DNAH17: variants seen among roughly 807,000 people sequenced by gnomAD.
DNAH17 encodes the protein axonemal beta dynein heavy chain 17.
A neutral mutation model predicts 485.6 loss-of-function variants in DNAH17; 376 were observed. That is an observed-to-expected ratio of 0.77 (90% CI 0.71 to 0.84). The LOEUF (loss-of-function observed/expected upper bound fraction) is 0.84, where lower values mean the gene tolerates loss of function less well. DNAH17 is among the 40% of genes least tolerant of loss of function. The pLI is 0.00. For missense variants in DNAH17, 6,370 were observed against 5,839.3 expected (o/e 1.09, Z -2.96); for synonymous variants, 3,031 against 2,405.9 (o/e 1.26, Z -7.60).
chr17:78,544,551 C>T (rs149152645), intron 16 of DNAH17, among the ~76,000 whole-genome samples: 6,808 of 151,962 alleles, frequency 0.045, 224 homozygotes, highest in Middle Eastern at 0.075. Flanking sequence ...GCCTGTAATC[C>T]CAGCACTTTG....
intron 17 of DNAH17, among the ~76,000 whole-genome samples, chr17:78,543,512 G>A (rs1424947755): frequency 2.6e-5 from 4 of 151,254 alleles, no homozygotes; most frequent in Admixed American, 6.6e-5. Flanking sequence ...GGATGGTCTC[G>A]ATCTCCTGAC....
chr17:78,551,759 C>T (rs1453478870), intron 15 of DNAH17, 121 bp from the exon 16 acceptor site: 13 of 849,218 alleles, frequency 1.5e-5, no homozygotes, highest in African/African-American at 1.0e-4. Flanking sequence ...GTCGGGAGTT[C>T]GAGACCAGCC....
At chr17:78,461,774 G>A (rs2088141360) in intron 57 of DNAH17, 66 bp from the exon 58 acceptor site, 9 of 1,483,180 alleles carry the variant, frequency 6.1e-6, no homozygotes, top group Non-Finnish European at 7.2e-6. Context: ...CCCTGCACTG[G>A]GCAGACGAGG....
chr17:78,567,789 T>A (rs565468964), intron 9 of DNAH17, among the ~76,000 whole-genome samples: 1 of 152,252 alleles, frequency 6.6e-6, no homozygotes, highest in African/African-American at 2.4e-5. Flanking sequence ...GCGCCGCTTG[T>A]GTTTGCTTTA....
intron 42 of DNAH17, 92 bp from the exon 43 acceptor site, chr17:78,491,662 G>A (rs1248491284): frequency 6.6e-7 from 1 of 1,503,834 alleles, no homozygotes; most frequent in Admixed American, 2.1e-5. Context: ...TCTCTGGGAG[G>A]GAGCCTGTCC....
rs1174705131 is a variant in DNAH17, at chr17:78,426,597, C to A, written c.12775G>T (p.Glu4259Ter). 1 of 1,606,356 alleles carries A rather than the reference C, an allele frequency of 6.2e-7. No homozygotes were observed. Among genetic ancestry groups the A allele is most frequent in the African/African-American group, 1.3e-5 (1 of 74,870 alleles). The change falls in exon 79 of 81, where the codon GAA becomes TAA. Residue 4259 changes from glutamate to a stop codon, truncating the protein, a stop_gained. Coordinates refer to ENST00000389840, the MANE Select transcript of DNAH17 (RefSeq NM_173628.4). LOFTEE classifies it high-confidence loss of function. ...TCCACGTCGGTCGTGATGGTCAGTT[C>A]TCCCTAGGAGACACACAGATGGGTG... The part of the protein sequence containing the change: ...LKELNLGLKG[E>*]LTITTDVEDL...
intron 75 of DNAH17, among the ~76,000 whole-genome samples, chr17:78,433,318 G>A (rs1294374322): frequency 6.6e-6 from 1 of 152,210 alleles, no homozygotes; most frequent in Non-Finnish European, 1.5e-5. Flanking sequence ...GCCTAGCAGG[G>A]TACGTGCTGC....
intron 74 of DNAH17, among the ~76,000 whole-genome samples, chr17:78,435,856 C>T (rs370240559): frequency 2.0e-5 from 3 of 152,186 alleles, no homozygotes; most frequent in South Asian, 2.1e-4. Flanking sequence ...CGTATCCTCG[C>T]GCCCCTCAGC....
At chr17:78,514,594 C>G in intron 26 of DNAH17, among the ~76,000 whole-genome samples, 180 bp downstream of exon 26, 1 of 152,166 alleles carries the variant, frequency 6.6e-6, no homozygotes, top group Non-Finnish European at 1.5e-5. Flanking sequence ...CCACCACCCC[C>G]AACCAGCGTG....
intron 54 of DNAH17, among the ~76,000 whole-genome samples, chr17:78,470,638 G>A (rs536181118): frequency 1.2e-4 from 18 of 152,256 alleles, no homozygotes; most frequent in African/African-American, 3.4e-4. Context: ...GCAGTGAGCC[G>A]ATATTGTGCC....
chr17:78,503,124 G>A, intron 31 of DNAH17, 113 bp from the exon 32 acceptor site: 1 of 1,294,834 alleles, frequency 7.7e-7, no homozygotes, highest in Non-Finnish European at 1.0e-6. Flanking sequence ...CTCATCCCAG[G>A]GGCAGACAGG....
chr17:78,544,495 T>G (rs950574342), intron 16 of DNAH17, among the ~76,000 whole-genome samples: 1 of 151,984 alleles, frequency 6.6e-6, no homozygotes, highest in Admixed American at 6.6e-5. Flanking sequence ...CAAGTGGGAG[T>G]TCTACCACAA....
chr17:78,547,713 G>A (rs1045765546), intron 16 of DNAH17, among the ~76,000 whole-genome samples: 3 of 151,296 alleles, frequency 2.0e-5, no homozygotes, highest in Non-Finnish European at 4.4e-5. Context: ...CACCTCCCAG[G>A]TTCAAGCAAT....
intron 16 of DNAH17, among the ~76,000 whole-genome samples, chr17:78,549,571 A>C (rs2091852410): frequency 6.6e-6 from 1 of 152,230 alleles, no homozygotes. Context: ...ATCTCAGCTC[A>C]GCACCAGGAG....
intron 51 of DNAH17, among the ~76,000 whole-genome samples, chr17:78,478,261 ATCATCTCCACC>A (rs1345463332): frequency 8.5e-5 from 12 of 140,422 alleles, no homozygotes; most frequent in East Asian, 4.3e-4. Flanking sequence ...CATCACCATT[ATCATCTCCACC>A]ACCATCACCA....
rs1476926551 is a variant in DNAH17 at position 78,475,280 on chromosome 17, T to C, written c.8509A>G (p.Lys2837Glu). ...CCTATTGAACAGTAAGCTCTCACCT[T>C]GAGGTCGGGGATCCCGTAGCCCTTC... ...LKKGYGIPDL[K>E]IDLAAQYIKA... Residue 2837 changes from lysine to glutamate, a missense_variant and splice_region_variant, in exon 54 of 81, where the codon AAG (lysine) becomes GAG (glutamate). Coordinates refer to ENST00000389840, the MANE Select transcript of DNAH17 (RefSeq NM_173628.4). 6.2e-7 allele frequency: 1 copy of C among 1,613,986 alleles called. No individual in the cohort carries two copies. Among genetic ancestry groups the C allele is most frequent in the Non-Finnish European group, 8.5e-7 (1 of 1,179,864 alleles).
chr17:78,475,541 G>A, intron 53 of DNAH17, 72 bp from the exon 54 acceptor site: 1 of 1,607,376 alleles, frequency 6.2e-7, no homozygotes, highest in Non-Finnish European at 8.5e-7. Context: ...CACGGACTCT[G>A]CACATGCTGA....
In DNAH17 at chr17:78,459,838, G is replaced by T; in HGVS notation, c.9599C>A (p.Ser3200Tyr). 2 of 1,614,022 alleles carry T rather than the reference G, an allele frequency of 1.2e-6. No homozygotes were observed. Among genetic ancestry groups the T allele is most frequent in the African/African-American group, 1.3e-5 (1 of 75,062 alleles). The change falls in exon 60 of 81, where the codon TCC (serine) becomes TAC (tyrosine). Residue 3200 changes from serine to tyrosine, a missense_variant. Coordinates refer to ENST00000389840, the MANE Select transcript of DNAH17 (RefSeq NM_173628.4). The part of the protein sequence containing the change: ...MMGKVDTFLD[S>Y]LKKFDKEHIP... ...GTGCTCCTTGTCGAACTTCTTCAGG[G>T]AGTCTAGGAAGGTGTCCACCTTGCC...
At chr17:78,432,908 C>CCG (rs1555650497) in intron 75 of DNAH17, among the ~76,000 whole-genome samples, 5 of 121,660 alleles carry the variant, frequency 4.1e-5, no homozygotes, top group Non-Finnish European at 7.1e-5. Flanking sequence ...ACGTGCCCCC[C>CCG]CCCCCCGACC....
Sources: gnomAD v4.1 joint callset for allele counts (sites outside exome capture counted in the v4.1 genomes callset) on GRCh38, gnomAD v4.1.1 for gene constraint, MANE v1.5 for transcripts, NCBI Gene and HGNC (gene_info 2026-07-23, HGNC 2026-07-21) for gene names.